FBXW7: variants seen among roughly 807,000 people sequenced by gnomAD.
FBXW7 encodes the protein F-box and WD repeat domain containing 7.
FBXW7 carries 11 observed loss-of-function variants against 86.3 expected under a neutral mutation model. That is an observed-to-expected ratio of 0.13 (90% CI 0.08 to 0.21). The LOEUF is 0.21. FBXW7 is among the 10% of genes least tolerant of loss of function. The probability of loss-of-function intolerance (pLI) is 1.00; values close to 1 mark genes in which losing one functional copy is unlikely to be tolerated. For synonymous variants in FBXW7, 313 were observed against 297.9 expected, an observed-to-expected ratio of 1.05 and a Z score of -0.52; for missense variants, 488 against 847.4, an observed-to-expected ratio of 0.58 and a Z score of 5.27.
intron 7 of FBXW7, among the ~76,000 whole-genome samples, chr4:152,336,647 T>C (rs1730152298): frequency 6.6e-6 from 1 of 152,008 alleles, no homozygotes; most frequent in Non-Finnish European, 1.5e-5. Flanking sequence ...TTCAAAGGAT[T>C]CAGTTTTAGA....
At chr4:152,531,447 T>C (rs1164565976) in intron 2 of FBXW7, among the ~76,000 whole-genome samples, 2 of 151,904 alleles carry the variant, frequency 1.3e-5, no homozygotes, top group African/African-American at 2.4e-5. Context: ...CACAAAAAAG[T>C]GTGAATATAT....
At chr4:152,425,967 G>A (rs1021840776) in intron 2 of FBXW7, among the ~76,000 whole-genome samples, 6 of 152,132 alleles carry the variant, frequency 3.9e-5, no homozygotes, top group African/African-American at 1.4e-4. Flanking sequence ...TCCAGGTAAA[G>A]AAGCAGGATC....
chr4:152,334,052 T>TCAA (rs573332703), intron 7 of FBXW7, among the ~76,000 whole-genome samples: 2,185 of 151,530 alleles, frequency 0.014, 31 homozygotes, highest in African/African-American at 0.036. Context: ...AGATTCTGTC[T>TCAA]CAACAACAAC....
At chr4:152,521,302 C>A (rs1402733920) in intron 2 of FBXW7, among the ~76,000 whole-genome samples, 1 of 151,922 alleles carries the variant, frequency 6.6e-6, no homozygotes, top group East Asian at 1.9e-4. Flanking sequence ...CCTAGGAGAT[C>A]AATATTTAAG....
intron 2 of FBXW7, among the ~76,000 whole-genome samples, chr4:152,437,601 C>A (rs1224978900): frequency 6.6e-6 from 1 of 152,110 alleles, no homozygotes; most frequent in Non-Finnish European, 1.5e-5. Context: ...GATAAACCAG[C>A]GGCAGGATTT....
chr4:152,518,693 T>G (rs923774782), intron 2 of FBXW7, among the ~76,000 whole-genome samples: 8 of 152,334 alleles, frequency 5.3e-5, no homozygotes, highest in Admixed American at 5.2e-4. Context: ...TCAAATGTAT[T>G]TAACTATAGT....
In FBXW7 at chr4:152,324,185, T is replaced by C. The variant is rs372549465; in HGVS notation, c.1854A>G (p.Gln618=). The change falls in exon 13 of 14, where the codon CAA becomes CAG. Residue 618 remains glutamine, a splice_region_variant and synonymous_variant. Transcript: ENST00000281708. ...IKTGQCLQTL[Q]GPNKHQSAVT... ...AAACGAAAGGTGAGTAAGACTTACC[T>C]TGCAATGTTTGTAAACACTGTCCTG... is the stretch of plus-strand genomic sequence containing the variant. The C allele has an allele frequency of 2.2e-5, 36 of 1,609,866 alleles. No individual in the cohort carries two copies. The highest frequency in any genetic ancestry group is 2.9e-5 in the Non-Finnish European group (34 of 1,178,056).
chr4:152,491,153 C>T (rs1465604075), intron 2 of FBXW7, among the ~76,000 whole-genome samples: 2 of 152,084 alleles, frequency 1.3e-5, no homozygotes, highest in Non-Finnish European at 2.9e-5. Flanking sequence ...TTGTTTTTAT[C>T]AGATGCCAAT....
chr4:152,340,692 T>A (rs1443624775), intron 6 of FBXW7, among the ~76,000 whole-genome samples: 1 of 151,726 alleles, frequency 6.6e-6, no homozygotes, highest in Non-Finnish European at 1.5e-5. Context: ...AAATCACATC[T>A]CTTTGGTGAT....
intron 2 of FBXW7, among the ~76,000 whole-genome samples, chr4:152,475,438 C>G (rs7699979): frequency 0.032 from 4,802 of 151,976 alleles, 128 homozygotes; most frequent in African/African-American, 0.064. Context: ...AAACATAACA[C>G]TAATAATAAA....
chr4:152,392,388 T>C (rs1303065674), intron 4 of FBXW7, among the ~76,000 whole-genome samples: 4 of 152,158 alleles, frequency 2.6e-5, no homozygotes, highest in South Asian at 4.1e-4. Context: ...GGCTAAGTAG[T>C]ACCTTCAGGC....
chr4:152,462,438 C>T (rs1743035206), intron 2 of FBXW7, among the ~76,000 whole-genome samples: 1 of 152,210 alleles, frequency 6.6e-6, no homozygotes, highest in Admixed American at 6.5e-5. Flanking sequence ...CTCCCCTATG[C>T]ATGTATAGTT....
chr4:152,410,870 G>A (rs1473050485), intron 4 of FBXW7, among the ~76,000 whole-genome samples: 4 of 151,978 alleles, frequency 2.6e-5, no homozygotes, highest in Non-Finnish European at 4.4e-5. Context: ...ACTAATTTGA[G>A]GCAACTTCTG....
chr4:152,442,347 C>A (rs1740968995), intron 2 of FBXW7, among the ~76,000 whole-genome samples: 1 of 152,226 alleles, frequency 6.6e-6, no homozygotes, highest in African/African-American at 2.4e-5. Context: ...AAAACGAAAT[C>A]TATGGCTCCT....
intron 2 of FBXW7, among the ~76,000 whole-genome samples, chr4:152,447,882 C>T (rs1741553942): frequency 6.6e-6 from 1 of 152,164 alleles, no homozygotes; most frequent in Admixed American, 6.5e-5. Context: ...TTAGATAACA[C>T]AGCATAGTTA....
intron 2 of FBXW7, among the ~76,000 whole-genome samples, chr4:152,510,198 A>C (rs1747827923): frequency 6.6e-6 from 1 of 152,228 alleles, no homozygotes; most frequent in Non-Finnish European, 1.5e-5. Context: ...GAAGAGTTAG[A>C]ATAATAAATG....
chr4:152,464,311 A>G (rs1013390621), intron 2 of FBXW7, among the ~76,000 whole-genome samples: 11 of 152,212 alleles, frequency 7.2e-5, no homozygotes, highest in African/African-American at 2.7e-4. Flanking sequence ...AGCATGGAGC[A>G]TTAAGAGGAA....
At chr4:152,383,240 T>C (rs1735247468) in intron 4 of FBXW7, among the ~76,000 whole-genome samples, 2 of 152,114 alleles carry the variant, frequency 1.3e-5, no homozygotes, top group Admixed American at 1.3e-4. Context: ...AGCCAGTCCA[T>C]TGCAAATCCC....
At chr4:152,465,076 T>C (rs191767410) in intron 2 of FBXW7, among the ~76,000 whole-genome samples, 1 of 152,144 alleles carries the variant, frequency 6.6e-6, no homozygotes, top group Non-Finnish European at 1.5e-5. Flanking sequence ...GGTGTATTAT[T>C]GGTCAGCAGA....
Sources: gnomAD v4.1 joint callset for allele counts (sites outside exome capture counted in the v4.1 genomes callset) on GRCh38, gnomAD v4.1.1 for gene constraint, MANE v1.5 for transcripts, NCBI Gene and HGNC (gene_info 2026-07-23, HGNC 2026-07-21) for gene names.